B3GAT1: variants seen among roughly 807,000 people sequenced by gnomAD.
B3GAT1 encodes galactosylgalactosylxylosylprotein 3-beta-glucuronosyltransferase 1.
B3GAT1 carries 11 observed loss-of-function variants against 28.4 expected under a neutral mutation model. That is an observed-to-expected ratio of 0.39 (90% CI 0.24 to 0.64). B3GAT1 has a LOEUF of 0.64. Ranked by LOEUF, B3GAT1 falls within the 30% of genes least tolerant of loss-of-function variation. The probability of loss-of-function intolerance (pLI) is 0.50; values close to 1 mark genes in which losing one functional copy is unlikely to be tolerated. For missense variants in B3GAT1, 375 were observed against 491.0 expected, an observed-to-expected ratio of 0.76 and a Z score of 2.23; for synonymous variants, 255 against 223.1, an observed-to-expected ratio of 1.14 and a Z score of -1.27.
At chr11:134,406,246 C>A (rs1026051301) in intron 1 of B3GAT1, among the ~76,000 whole-genome samples, 4 of 152,254 alleles carry the variant, frequency 2.6e-5, no homozygotes, top group Admixed American at 6.5e-5. Context: ...CATCCCTGCT[C>A]GACATGGTGC....
At chr11:134,386,396 T>C (rs921004509) in intron 2 of B3GAT1, 1 of 133,700 alleles carries the variant, frequency 7.5e-6, no homozygotes, top group African/African-American at 3.0e-5. Flanking sequence ...CGTGAGCCTG[T>C]GCATGTAAGT....
chr11:134,395,399 T>C (rs1173029181), intron 1 of B3GAT1, among the ~76,000 whole-genome samples: 6 of 151,748 alleles, frequency 4.0e-5, no homozygotes, highest in Non-Finnish European at 8.8e-5. Context: ...CAGCAGGTCA[T>C]GATGGGTGAT....
intron 2 of B3GAT1, chr11:134,387,332 T>A: frequency 1.6e-6 from 1 of 609,732 alleles, no homozygotes; most frequent in Non-Finnish European, 2.8e-6. Context: ...TGTCTTGGTG[T>A]CTGCCAACCT....
Position 134,387,802 on chromosome 11 carries a change from C to G in B3GAT1, c.-143G>C, listed in dbSNP as rs1944325573. On this transcript the variant is annotated 5_prime_UTR_variant, in exon 2 of 6. Transcript: ENST00000312527. ...GCCAGGCATGGAGAGGACAGAGCAG[C>G]TGAATGTTGGCTAGCAGGTCTTACC... 1 of 1,537,340 alleles carries G rather than the reference C, an allele frequency of 6.5e-7. No homozygotes were observed. Among genetic ancestry groups the G allele is most frequent in the Non-Finnish European group, 8.7e-7 (1 of 1,146,262 alleles).
Position 134,384,017 on chromosome 11 carries a change from C to A in B3GAT1, c.284G>T (p.Arg95Leu), listed in dbSNP as rs752068630. The A allele has an allele frequency of 6.2e-7, 1 of 1,605,238 alleles. No homozygotes were observed. The highest frequency in any genetic ancestry group is 8.5e-7 in the Non-Finnish European group (1 of 1,179,004). The change falls in exon 3 of 6, where the codon CGC becomes CTC. Residue 95 changes from arginine (R) to leucine (L), a missense_variant. Coordinates refer to ENST00000312527, the MANE Select transcript of B3GAT1 (RefSeq NM_054025.3). Reference protein sequence around the residue: ...TIHVVTPTYSRPVQKAELTRM... With the variant: ...TIHVVTPTYSLPVQKAELTRM... ...CGTCAGCTCGGCCTTCTGCACCGGGCGGCTGTAGGTGGGCGTCACCACGTG... is the reference window on the plus strand; with the variant it reads ...CGTCAGCTCGGCCTTCTGCACCGGGAGGCTGTAGGTGGGCGTCACCACGTG...
chr11:134,403,988 TATATATATATATATA>T (rs1944673256), intron 1 of B3GAT1, among the ~76,000 whole-genome samples: 5 of 30,568 alleles, frequency 1.6e-4, no homozygotes, highest in African/African-American at 5.4e-4. Context: ...TTTCTTTATA[TATATATATATATATA>T]TATATATATA....
chr11:134,403,840 A>G (rs973557369), intron 1 of B3GAT1, among the ~76,000 whole-genome samples: 4 of 151,802 alleles, frequency 2.6e-5, no homozygotes, highest in African/African-American at 9.7e-5. Context: ...GCCAGTCTTA[A>G]AAGGACAAAT....
intron 1 of B3GAT1, among the ~76,000 whole-genome samples, chr11:134,392,750 G>A (rs1248908294): frequency 1.3e-5 from 2 of 152,074 alleles, no homozygotes; most frequent in Non-Finnish European, 2.9e-5. Flanking sequence ...AGATGGGAAG[G>A]CTCTGATTGA....
rs373742481 is a variant in B3GAT1 at position 134,384,094 on chromosome 11, G to T, written c.207C>A (p.Thr69=). 6 of 1,593,950 alleles carry T rather than the reference G, an allele frequency of 3.8e-6. No individual in the cohort carries two copies. In the African/African-American group the frequency reaches 4.0e-5, roughly 11 times the overall value. The change falls in exon 3 of 6, where the codon ACC becomes ACA. Residue 69 remains threonine (T), a synonymous_variant. Coordinates refer to ENST00000312527, the MANE Select transcript of B3GAT1 (RefSeq NM_054025.3). ...SDRDIVEVVR[T]EYVYTRPPPW... is the part of the protein sequence containing the mutation. ...GCGGGGGCCGCGTGTACACGTACTC[G>T]GTGCGCACCACCTCCACGATGTCGC...
intron 2 of B3GAT1, chr11:134,386,684 G>A (rs1326800257): frequency 6.6e-6 from 1 of 152,190 alleles, no homozygotes; most frequent in Non-Finnish European, 1.5e-5. Flanking sequence ...ACACACTGCA[G>A]GCCAGAAATC....
intron 1 of B3GAT1, among the ~76,000 whole-genome samples, chr11:134,408,868 G>A (rs1357096842): frequency 7.7e-6 from 1 of 130,512 alleles, no homozygotes; most frequent in Non-Finnish European, 1.6e-5. Context: ...TGAGGAGGGA[G>A]GTGGGACAGC....
chr11:134,396,242 G>A (rs1011049342), intron 1 of B3GAT1, among the ~76,000 whole-genome samples: 3 of 152,162 alleles, frequency 2.0e-5, no homozygotes, highest in African/African-American at 7.2e-5. Flanking sequence ...ATGAGCACCG[G>A]GGGGTGGGGC....
chr11:134,405,860 C>T (rs1270307279), intron 1 of B3GAT1, among the ~76,000 whole-genome samples: 1 of 152,226 alleles, frequency 6.6e-6, no homozygotes, highest in African/African-American at 2.4e-5. Context: ...CCAGCACCAG[C>T]CTGGCTACCA....
At position 134,393,038 on chromosome 11, in the gene B3GAT1, C is replaced by T. The variant is rs576813071; in HGVS notation, c.-281-5098G>A. On this transcript the variant is annotated intron_variant, in intron 1 of 5. Transcript: ENST00000312527. The surrounding 1 kb of genome is among the most constrained non-coding windows in gnomAD (Gnocchi z 4.0). ...AGAGCGGAAGAGACGACACAGCTCGCTCCAGTGCAGGTGACGTGTGAACGC... is the reference window on the plus strand; with the variant it reads ...AGAGCGGAAGAGACGACACAGCTCGTTCCAGTGCAGGTGACGTGTGAACGC... Among the ~76,000 whole-genome samples, 1 of 152,304 alleles carries T rather than the reference C, an allele frequency of 6.6e-6. No individual in the cohort carries two copies. Among genetic ancestry groups the T allele is most frequent in the South Asian group, 2.1e-4 (1 of 4,832 alleles).
intron 3 of B3GAT1, 121 bp from the exon 4 acceptor site, chr11:134,383,127 C>T: frequency 2.6e-6 from 3 of 1,136,994 alleles, no homozygotes; most frequent in Non-Finnish European, 3.7e-6. Context: ...CCGCGGCCAC[C>T]TAGGGGGTGT....
chr11:134,385,063 G>C (rs1216363664), intron 2 of B3GAT1: 1 of 152,228 alleles, frequency 6.6e-6, no homozygotes, highest in Non-Finnish European at 1.5e-5. Flanking sequence ...CTGTGCCCTT[G>C]AGCAAGCTGC....
Position 134,384,028 on chromosome 11 carries a change from G to T in B3GAT1, c.273C>A (p.Pro91=). 1 of 1,605,672 alleles carries T rather than the reference G, an allele frequency of 6.2e-7. No homozygotes were observed. ...CCTTCTGCACCGGGCGGCTGTAGGT[G>T]GGCGTCACCACGTGGATGGTGGGCA... ...DTLPTIHVVT[P]TYSRPVQKAE... The change falls in exon 3 of 6, where the codon CCC becomes CCA. Residue 91 remains proline, a synonymous_variant. Coordinates refer to ENST00000312527, the MANE Select transcript of B3GAT1 (RefSeq NM_054025.3).
At chr11:134,392,279 T>C (rs867534756) in intron 1 of B3GAT1, 2 of 151,774 alleles carry the variant, frequency 1.3e-5, no homozygotes, top group Non-Finnish European at 2.9e-5. Context: ...AGTCCTGACT[T>C]AAGGGCCCGT....
chr11:134,387,989 G>T, intron 1 of B3GAT1, 49 bp from the exon 2 acceptor site: 1 of 737,882 alleles, frequency 1.4e-6, no homozygotes, highest in Non-Finnish European at 2.1e-6. Flanking sequence ...GTATAGGAAT[G>T]GATGCCAGCA....
Sources: gnomAD v4.1 joint callset for allele counts (sites outside exome capture counted in the v4.1 genomes callset) on GRCh38, gnomAD v4.1.1 for gene constraint, Gnocchi (gnomAD v3.1) non-coding constraint, MANE v1.5 for transcripts, NCBI Gene and HGNC (gene_info 2026-07-23, HGNC 2026-07-21) for gene names.